The following CNOT6L variants were observed in gnomAD, a reference collection of about 807,000 sequenced individuals.
The protein encoded by CNOT6L is CCR4-NOT transcription complex subunit 6-like.
A neutral mutation model predicts 64.0 loss-of-function variants in CNOT6L; 7 were observed. That is an observed-to-expected ratio of 0.11 (90% CI 0.06 to 0.21). The LOEUF is 0.21. Ranked by LOEUF, CNOT6L falls within the 10% of genes least tolerant of loss-of-function variation. The probability of loss-of-function intolerance (pLI) is 1.00; values close to 1 mark genes in which losing one functional copy is unlikely to be tolerated. For missense variants in CNOT6L, 245 were observed against 669.0 expected (o/e 0.37, Z 6.99); for synonymous variants, 193 against 243.4 (o/e 0.79, Z 1.93).
chr4:77,736,569 T>C (rs977678652), intron 8 of CNOT6L, among the ~76,000 whole-genome samples: 9 of 152,172 alleles, frequency 5.9e-5, no homozygotes, highest in Non-Finnish European at 1.0e-4. Context: ...ACAGGTAACA[T>C]TTTGAAATAT....
At chr4:77,782,513 T>TA (rs200666081) in intron 1 of CNOT6L, among the ~76,000 whole-genome samples, 272 of 151,410 alleles carry the variant, frequency 1.8e-3, no homozygotes, top group Middle Eastern at 6.8e-3. Flanking sequence ...TATTTTATTT[T>TA]TTTTTTTAGT....
At chr4:77,778,939 C>A (rs200461644) in intron 1 of CNOT6L, among the ~76,000 whole-genome samples, 7 of 149,270 alleles carry the variant, frequency 4.7e-5, no homozygotes, top group Non-Finnish European at 1.0e-4. Context: ...CCCAGCTACT[C>A]GGGAGGCTGA....
intron 1 of CNOT6L, among the ~76,000 whole-genome samples, chr4:77,811,976 C>T (rs1017493760): frequency 3.3e-5 from 5 of 151,874 alleles, no homozygotes; most frequent in Admixed American, 1.3e-4. Context: ...TGCTGCAACT[C>T]AAGTGACTTC....
chr4:77,818,111 T>A (rs1388286235), intron 1 of CNOT6L, among the ~76,000 whole-genome samples: 1 of 152,216 alleles, frequency 6.6e-6, no homozygotes, highest in Non-Finnish European at 1.5e-5. Context: ...GAGGAAAACA[T>A]GTTTGTTGAG....
intron 1 of CNOT6L, among the ~76,000 whole-genome samples, chr4:77,818,173 G>C (rs1733782374): frequency 1.3e-5 from 2 of 152,186 alleles, no homozygotes; most frequent in Admixed American, 1.3e-4. Context: ...ATGTAACACT[G>C]TGCTTCCAAT....
intron 1 of CNOT6L, among the ~76,000 whole-genome samples, chr4:77,783,531 GAAC>G (rs1729123492): frequency 6.6e-6 from 1 of 152,212 alleles, no homozygotes; most frequent in African/African-American, 2.4e-5. Flanking sequence ...AAAATAAGTA[GAAC>G]AACTAAAGGG....
At chr4:77,805,198 A>C (rs1317215157) in intron 1 of CNOT6L, among the ~76,000 whole-genome samples, 1 of 152,220 alleles carries the variant, frequency 6.6e-6, no homozygotes, top group African/African-American at 2.4e-5. Context: ...GATCGCCATG[A>C]AGCAGGATAA....
intron 4 of CNOT6L, among the ~76,000 whole-genome samples, chr4:77,762,855 C>T (rs1444509035): frequency 1.3e-5 from 2 of 152,132 alleles, no homozygotes; most frequent in Non-Finnish European, 2.9e-5. Context: ...TGTTCTATTT[C>T]TTGACTGTGG....
At position 77,715,804 on chromosome 4, in the gene CNOT6L, T is replaced by C. The variant is rs746266450; in HGVS notation, c.*4627A>G. Reference sequence around the variant, plus strand: ...TAGGTGACACTTATAAAGGTGAGCATATCATTCTATAAAATGAAAGATGCT... The same window carrying C: ...TAGGTGACACTTATAAAGGTGAGCACATCATTCTATAAAATGAAAGATGCT... On this transcript the variant is annotated 3_prime_UTR_variant, in exon 12 of 12. Transcript: ENST00000504123. 39 of 152,552 alleles carry C rather than the reference T, an allele frequency of 2.6e-4. No homozygotes were observed. The highest frequency in any genetic ancestry group is 1.8e-4 in the Non-Finnish European group (12 of 67,990). The allele number at this position is 152,552 out of a possible 1,614,324, so 9.4% of individuals were successfully genotyped here.
chr4:77,725,950 G>A (rs892944155), intron 11 of CNOT6L, among the ~76,000 whole-genome samples: 2 of 146,718 alleles, frequency 1.4e-5, no homozygotes, highest in Non-Finnish European at 3.0e-5. Flanking sequence ...TATATTATTT[G>A]AAATCTAAAC....
chr4:77,789,112 G>A (rs886813236), intron 1 of CNOT6L, among the ~76,000 whole-genome samples: 5 of 151,988 alleles, frequency 3.3e-5, no homozygotes, highest in Admixed American at 2.0e-4. Context: ...TGGACTTTAG[G>A]CCAAAACAGA....
At chr4:77,747,994 C>A (rs1253132333) in intron 6 of CNOT6L, among the ~76,000 whole-genome samples, 1 of 152,042 alleles carries the variant, frequency 6.6e-6, no homozygotes, top group Non-Finnish European at 1.5e-5. Context: ...ATTTGGAAAG[C>A]TGTATTATAG....
At chr4:77,801,850 G>A (rs1731622098) in intron 1 of CNOT6L, among the ~76,000 whole-genome samples, 1 of 152,254 alleles carries the variant, frequency 6.6e-6, no homozygotes, top group East Asian at 1.9e-4. Context: ...GGTCACATCT[G>A]TGAATAGCCA....
intron 8 of CNOT6L, among the ~76,000 whole-genome samples, chr4:77,739,940 A>G (rs927638198): frequency 3.3e-5 from 5 of 152,202 alleles, no homozygotes; most frequent in African/African-American, 4.8e-5. Flanking sequence ...TGTGAGAGTA[A>G]TAATAAAAAT....
intron 1 of CNOT6L, among the ~76,000 whole-genome samples, chr4:77,801,731 A>G (rs1731606713): frequency 6.9e-6 from 1 of 144,598 alleles, no homozygotes. Flanking sequence ...ATATTTATCA[A>G]AAACCCATTA....
At chr4:77,755,147 AAGAACTCCTT>A (rs571787760) in intron 5 of CNOT6L, among the ~76,000 whole-genome samples, 1 of 151,426 alleles carries the variant, frequency 6.6e-6, no homozygotes, top group Admixed American at 6.6e-5. Flanking sequence ...TAAAACATAC[AAGAACTCCTT>A]ACAAATGACA....
intron 1 of CNOT6L, among the ~76,000 whole-genome samples, chr4:77,801,751 C>T (rs1025071338): frequency 6.9e-6 from 1 of 144,600 alleles, no homozygotes; most frequent in African/African-American, 2.6e-5. Flanking sequence ...ATAAGCCATG[C>T]ACCTTGCATG....
intron 1 of CNOT6L, among the ~76,000 whole-genome samples, chr4:77,807,276 C>CAAAAAAAAAAAAAAAAAAAAAAAA (rs58452605): frequency 7.8e-4 from 84 of 108,166 alleles, no homozygotes; most frequent in African/African-American, 3.6e-3. Flanking sequence ...GACTCCATCT[C>CAAAAAAAAAAAAAAAAAAAAAAAA]AAAAAAAAAA....
At chr4:77,754,219 G>C (rs1169337677) in intron 5 of CNOT6L, among the ~76,000 whole-genome samples, 4 of 152,222 alleles carry the variant, frequency 2.6e-5, no homozygotes, top group Admixed American at 1.3e-4. Flanking sequence ...CTTTAGCAAG[G>C]CATTTAGTGT....
Sources: allele counts gnomAD v4.1 joint callset (sites outside exome capture counted in the v4.1 genomes callset), GRCh38; gene constraint gnomAD v4.1.1; transcripts MANE v1.5; gene names NCBI Gene and HGNC (gene_info 2026-07-23, HGNC 2026-07-21).